MMP16: variants seen among roughly 807,000 people sequenced by gnomAD.
MMP16 encodes matrix metallopeptidase 16.
In MMP16, 12 loss-of-function variants were observed where a neutral mutation model predicts 67.8. The ratio of observed to expected loss-of-function variants is 0.18; its 90% CI spans 0.11 to 0.29. MMP16 has a LOEUF of 0.29. MMP16 is among the 10% of genes least tolerant of loss of function. The pLI, the probability that MMP16 is intolerant of heterozygous loss-of-function variation, is 1.00. For missense variants in MMP16, 475 were observed against 765.7 expected (o/e 0.62, Z 4.48); for synonymous variants, 249 against 255.9 (o/e 0.97, Z 0.26).
intron 2 of MMP16, among the ~76,000 whole-genome samples, chr8:88,189,119 T>C (rs778800769): frequency 6.6e-6 from 1 of 152,210 alleles, no homozygotes; most frequent in Non-Finnish European, 1.5e-5. Context: ...ATTCATCATA[T>C]AGTATTTTTG....
At chr8:88,176,099 A>T (rs1563554165) in intron 3 of MMP16, among the ~76,000 whole-genome samples, 1 of 152,226 alleles carries the variant, frequency 6.6e-6, no homozygotes, top group Non-Finnish European at 1.5e-5. Context: ...CACTTTGCAC[A>T]CCGGGACACT....
chr8:88,264,102 CAT>C lies in MMP16; in HGVS notation c.132+62971_132+62972del, dbSNP rs1240405881. Among the ~76,000 whole-genome samples the C allele has an allele frequency of 1.2e-4, 16 of 132,758 alleles. 1 individual carries two copies. Among genetic ancestry groups the C allele is most frequent in the Non-Finnish European group, 2.5e-4 (16 of 63,124 alleles). The allele number at this position is 132,758 out of a possible 152,430, so 87.1% of individuals were successfully genotyped here. On this transcript the variant is annotated intron_variant, in intron 1 of 9. Transcript: ENST00000286614. ...GTGTGTGTGTGTGTGTGTGTGTATACATATATTACTTTAGGTCAGTGCTAGAC... is the reference window on the plus strand; with the variant it reads ...GTGTGTGTGTGTGTGTGTGTGTATACATATTACTTTAGGTCAGTGCTAGAC...
chr8:88,271,582 C>T (rs1434539064), intron 1 of MMP16, among the ~76,000 whole-genome samples: 1 of 152,172 alleles, frequency 6.6e-6, no homozygotes, highest in African/African-American at 2.4e-5. Context: ...CAACCTCCGC[C>T]TCCCGGGTTC....
At chr8:88,121,277 AAATT>A (rs1366655242) in intron 4 of MMP16, among the ~76,000 whole-genome samples, 1 of 151,968 alleles carries the variant, frequency 6.6e-6, no homozygotes, top group African/African-American at 2.4e-5. Flanking sequence ...CTTTAGAAGA[AAATT>A]AATAGAACCA....
chr8:88,150,742 CA>C (rs1490295706), intron 4 of MMP16, among the ~76,000 whole-genome samples: 2 of 149,752 alleles, frequency 1.3e-5, no homozygotes, highest in African/African-American at 4.9e-5. Context: ...CAACCGGTAC[CA>C]GCCGCTGCAA....
Position 88,151,962 on chromosome 8 carries a change from G to A in MMP16, c.709+15707C>T, listed in dbSNP as rs1389471135. The stretch of plus-strand genomic sequence containing the variant: ...AAAGGATCAACAAAATTGATAGACC[G>A]CTAGGAAGACTAATAAAGAAAAAAA... On this transcript the variant is annotated intron_variant, in intron 4 of 9. Coordinates refer to ENST00000286614, the MANE Select transcript of MMP16 (RefSeq NM_005941.5). 5.4e-4 allele frequency among the ~76,000 whole-genome samples: 49 copies of A among 91,042 alleles called. 1 individual carries two copies. The highest frequency in any genetic ancestry group is 4.3e-3 in the Middle Eastern group (1 of 232). The allele number at this position is 91,042 out of a possible 152,430, so 59.7% of individuals were successfully genotyped here.
chr8:88,244,618 T>C (rs1043587914), intron 1 of MMP16, among the ~76,000 whole-genome samples: 1 of 152,166 alleles, frequency 6.6e-6, no homozygotes, highest in African/African-American at 2.4e-5. Context: ...AGTCCTATCC[T>C]ATACATTATG....
chr8:88,292,376 T>A (rs996601274), intron 1 of MMP16, among the ~76,000 whole-genome samples: 1 of 152,140 alleles, frequency 6.6e-6, no homozygotes, highest in Non-Finnish European at 1.5e-5. Flanking sequence ...CGCATTCAAC[T>A]TCAGAGAGTT....
chr8:88,255,629 G>A (rs893739932), intron 1 of MMP16, among the ~76,000 whole-genome samples: 19 of 152,244 alleles, frequency 1.2e-4, no homozygotes, highest in African/African-American at 2.9e-4. Context: ...CAGTAAAACC[G>A]TTGCCTCTTT....
intron 1 of MMP16, among the ~76,000 whole-genome samples, chr8:88,237,507 G>C (rs1276486484): frequency 2.6e-5 from 4 of 152,064 alleles, no homozygotes; most frequent in African/African-American, 9.7e-5. Context: ...AATTAGCCGG[G>C]CGTAGTGGCG....
At position 88,044,853 on chromosome 8, in the gene MMP16, C is replaced by A. The variant is rs558004797; in HGVS notation, c.1489+1816G>T. On this transcript the variant is annotated intron_variant, in intron 9 of 9. Transcript: ENST00000286614. ...ATGTGGATAAATAAACTGATGTGATCATCTTTCACATTTTTTCATTTCTTT... is the reference window on the plus strand; with the variant it reads ...ATGTGGATAAATAAACTGATGTGATAATCTTTCACATTTTTTCATTTCTTT... Among the ~76,000 whole-genome samples, 6 of 152,248 alleles carry A rather than the reference C, an allele frequency of 3.9e-5. No homozygotes were observed. In the South Asian group the frequency reaches 1.2e-3, roughly 32 times the overall value.
chr8:88,093,725 A>G (rs1014857093), intron 6 of MMP16, among the ~76,000 whole-genome samples: 2 of 151,866 alleles, frequency 1.3e-5, no homozygotes, highest in Non-Finnish European at 2.9e-5. Context: ...ATAGCACAGG[A>G]GGTCATTTTA....
At chr8:88,141,537 CATT>C (rs1374905724) in intron 4 of MMP16, among the ~76,000 whole-genome samples, 2 of 152,158 alleles carry the variant, frequency 1.3e-5, no homozygotes, top group Non-Finnish European at 2.9e-5. Context: ...ACCTCAGACA[CATT>C]ATCTAATTCT....
At chr8:88,129,675 T>C (rs1807994216) in intron 4 of MMP16, among the ~76,000 whole-genome samples, 1 of 151,436 alleles carries the variant, frequency 6.6e-6, no homozygotes, top group Non-Finnish European at 1.5e-5. Context: ...TTCCATACTC[T>C]CCCAAGCATG....
intron 1 of MMP16, among the ~76,000 whole-genome samples, chr8:88,218,920 G>A (rs962550058): frequency 8.5e-5 from 13 of 152,048 alleles, no homozygotes; most frequent in African/African-American, 2.9e-4. Flanking sequence ...GTAGCCCATC[G>A]TTGTCAGATC....
chr8:88,130,144 T>C (rs984403685), intron 4 of MMP16, among the ~76,000 whole-genome samples: 8 of 151,810 alleles, frequency 5.3e-5, no homozygotes, highest in Non-Finnish European at 1.0e-4. Flanking sequence ...AAATTATCCT[T>C]AATGTATGAA....
At chr8:88,136,513 T>C (rs1586169613) in intron 4 of MMP16, among the ~76,000 whole-genome samples, 1 of 151,910 alleles carries the variant, frequency 6.6e-6, no homozygotes, top group East Asian at 1.9e-4. Flanking sequence ...TGGTAATCCA[T>C]CTGCTTGAGT....
intron 4 of MMP16, among the ~76,000 whole-genome samples, chr8:88,162,683 G>A (rs1292407251): frequency 2.0e-5 from 3 of 151,924 alleles, no homozygotes; most frequent in Admixed American, 2.0e-4. Flanking sequence ...TGGATCATTG[G>A]GGCAGATTTG....
At chr8:88,147,027 T>C (rs984308886) in intron 4 of MMP16, among the ~76,000 whole-genome samples, 5 of 152,014 alleles carry the variant, frequency 3.3e-5, no homozygotes, top group African/African-American at 4.8e-5. Context: ...GAATTTTAAT[T>C]TATTACAACA....
Sources: gnomAD v4.1 joint callset for allele counts (sites outside exome capture counted in the v4.1 genomes callset) on GRCh38, gnomAD v4.1.1 for gene constraint, MANE v1.5 for transcripts, NCBI Gene and HGNC (gene_info 2026-07-23, HGNC 2026-07-21) for gene names.